RTN4RL1: variants seen among roughly 807,000 people sequenced by gnomAD.
RTN4RL1 encodes the protein reticulon-4 receptor-like 1.
RTN4RL1 carries 7 observed loss-of-function variants against 25.6 expected under a neutral mutation model. That is an observed-to-expected ratio of 0.27 (90% confidence interval 0.16 to 0.51). RTN4RL1 has a LOEUF of 0.51. Ranked by LOEUF, RTN4RL1 falls within the 20% of genes least tolerant of loss-of-function variation. RTN4RL1 has a pLI of 0.97. For synonymous variants in RTN4RL1, 297 were observed against 288.2 expected, an observed-to-expected ratio of 1.03 and a Z score of -0.31; for missense variants, 500 against 615.6, an observed-to-expected ratio of 0.81 and a Z score of 1.99.
intron 1 of RTN4RL1, among the ~76,000 whole-genome samples, chr17:2,012,908 C>T (rs1407686345): frequency 6.6e-6 from 1 of 152,070 alleles, no homozygotes; most frequent in Non-Finnish European, 1.5e-5. Flanking sequence ...ATTCTCCTGC[C>T]TCAGCCTCCC....
chr17:1,963,740 T>C (rs1239349587), intron 1 of RTN4RL1, among the ~76,000 whole-genome samples: 2 of 152,162 alleles, frequency 1.3e-5, no homozygotes, highest in Admixed American at 1.3e-4. Context: ...TCTTTTTCTT[T>C]TTCTTTTTTT....
chr17:1,991,839 G>C (rs1229796460), intron 1 of RTN4RL1, among the ~76,000 whole-genome samples: 5 of 152,124 alleles, frequency 3.3e-5, no homozygotes, highest in Non-Finnish European at 7.3e-5. Context: ...TCCCACATGC[G>C]CATTTCTGCC....
intron 1 of RTN4RL1, among the ~76,000 whole-genome samples, chr17:1,946,985 GCA>G (rs1915568564): frequency 7.3e-6 from 1 of 136,498 alleles, no homozygotes; most frequent in African/African-American, 2.7e-5. Context: ...GAATGTGTGT[GCA>G]TGGGGCCTGT....
chr17:1,982,086 G>A (rs935663500), intron 1 of RTN4RL1, among the ~76,000 whole-genome samples: 2 of 151,580 alleles, frequency 1.3e-5, no homozygotes, highest in African/African-American at 4.9e-5. Context: ...GATCACCTGA[G>A]GTCAGGAGTT....
chr17:1,997,814 C>A (rs1314811836), intron 1 of RTN4RL1, among the ~76,000 whole-genome samples: 2 of 152,372 alleles, frequency 1.3e-5, no homozygotes, highest in African/African-American at 4.8e-5. Context: ...GTCCCCGCCC[C>A]CTTCACAGCC....
At chr17:2,021,306 C>A (rs1567534201) in intron 1 of RTN4RL1, among the ~76,000 whole-genome samples, 1 of 152,158 alleles carries the variant, frequency 6.6e-6, no homozygotes, top group Admixed American at 6.5e-5. Flanking sequence ...CATACCACTG[C>A]ACCCCTCACT....
chr17:1,985,277 C>T (rs1219295260), intron 1 of RTN4RL1, among the ~76,000 whole-genome samples: 1 of 152,224 alleles, frequency 6.6e-6, no homozygotes, highest in Non-Finnish European at 1.5e-5. Flanking sequence ...AGGTCCCCTC[C>T]TTCTTCTCAC....
At chr17:1,938,531 G>A (rs998596185) in intron 1 of RTN4RL1, among the ~76,000 whole-genome samples, 6 of 151,346 alleles carry the variant, frequency 4.0e-5, no homozygotes, top group Non-Finnish European at 7.4e-5. Context: ...CGAACTCCCC[G>A]CCTCAGGTGA....
chr17:1,958,731 G>T (rs1915839959), intron 1 of RTN4RL1, among the ~76,000 whole-genome samples: 1 of 152,246 alleles, frequency 6.6e-6, no homozygotes, highest in Non-Finnish European at 1.5e-5. Flanking sequence ...GGGCCGGCCG[G>T]CCAGATCAAG....
At chr17:1,944,496 C>A (rs1915496846) in intron 1 of RTN4RL1, among the ~76,000 whole-genome samples, 1 of 152,138 alleles carries the variant, frequency 6.6e-6, no homozygotes, top group Non-Finnish European at 1.5e-5. Context: ...CGCTCTGTCC[C>A]CCAGGCTGGA....
intron 1 of RTN4RL1, among the ~76,000 whole-genome samples, chr17:1,968,112 CACCGTG>C (rs1352245396): frequency 1.3e-5 from 2 of 152,184 alleles, no homozygotes; most frequent in Non-Finnish European, 1.5e-5. Flanking sequence ...CCGTGGGAGC[CACCGTG>C]ACCTGTGCAT....
At chr17:1,980,132 C>T (rs1011978719) in intron 1 of RTN4RL1, among the ~76,000 whole-genome samples, 2 of 148,660 alleles carry the variant, frequency 1.3e-5, no homozygotes, top group Non-Finnish European at 2.9e-5. Context: ...GCCACAATCA[C>T]GGCTCACCAA....
At chr17:1,944,254 A>G (rs1915493296) in intron 1 of RTN4RL1, among the ~76,000 whole-genome samples, 1 of 151,838 alleles carries the variant, frequency 6.6e-6, no homozygotes, top group South Asian at 2.1e-4. Context: ...TGTGAGCCTC[A>G]TCTTCCTCAC....
chr17:1,962,810 C>T (rs891789658), intron 1 of RTN4RL1, among the ~76,000 whole-genome samples: 2 of 148,560 alleles, frequency 1.3e-5, no homozygotes, highest in Non-Finnish European at 1.5e-5. Context: ...TGCAGTGAGC[C>T]GAGATCGCAC....
At position 1,978,720 on chromosome 17, in the gene RTN4RL1, C is replaced by A. The variant is rs536420159; in HGVS notation, c.14-40912G>T. Among the ~76,000 whole-genome samples, 10 of 152,340 alleles carry A rather than the reference C, an allele frequency of 6.6e-5. No individual in the cohort carries two copies. In the East Asian group the frequency reaches 1.9e-3, roughly 29 times the overall value. ...GCGTGGTGCTTAGCAAATAGCCCTC[C>A]ATTCAGCTCAGAGAAAGAAATGGTT... is the stretch of plus-strand genomic sequence containing the variant. On this transcript the variant is annotated intron_variant, in intron 1 of 1. Coordinates refer to ENST00000331238, the MANE Select transcript of RTN4RL1 (RefSeq NM_178568.4).
At chr17:2,020,654 G>A (rs1240214908) in intron 1 of RTN4RL1, 1 of 152,174 alleles carries the variant, frequency 6.6e-6, no homozygotes, top group African/African-American at 2.4e-5. Flanking sequence ...TTATAAATGA[G>A]TGTGTTTGAC....
chr17:1,991,039 C>T (rs1416410975), intron 1 of RTN4RL1, among the ~76,000 whole-genome samples: 2 of 152,180 alleles, frequency 1.3e-5, no homozygotes, highest in Non-Finnish European at 2.9e-5. Flanking sequence ...AATTTGGATG[C>T]CTGACCTTGG....
chr17:2,016,044 G>A (rs1379168657), intron 1 of RTN4RL1, among the ~76,000 whole-genome samples: 1 of 152,128 alleles, frequency 6.6e-6, no homozygotes, highest in African/African-American at 2.4e-5. Context: ...CCCTGCCCTG[G>A]GCTCTGACAT....
At chr17:1,943,452 G>A (rs1376006655) in intron 1 of RTN4RL1, among the ~76,000 whole-genome samples, 3 of 152,216 alleles carry the variant, frequency 2.0e-5, no homozygotes, top group Non-Finnish European at 4.4e-5. Flanking sequence ...TGGTATCCCC[G>A]CAGCCCCCTG....
Sources: allele counts gnomAD v4.1 joint callset (sites outside exome capture counted in the v4.1 genomes callset), GRCh38; gene constraint gnomAD v4.1.1; transcripts MANE v1.5; gene names NCBI Gene and HGNC (gene_info 2026-07-23, HGNC 2026-07-21).